Variants in GNAO1 observed in about 807,000 individuals in gnomAD.
GNAO1 encodes G protein subunit alpha o1.
For synonymous variants in GNAO1, 164 were observed against 180.7 expected, an observed-to-expected ratio of 0.91 and a Z score of 0.74; for missense variants, 166 against 478.7, an observed-to-expected ratio of 0.35 and a Z score of 6.10.
intron 2 of GNAO1, among the ~76,000 whole-genome samples, chr16:56,212,798 C>T (rs146180735): frequency 6.6e-6 from 1 of 152,292 alleles, no homozygotes; most frequent in African/African-American, 2.4e-5. Context: ...TTCCTGGCTC[C>T]TGGTAGGGTT....
chr16:56,215,219 T>A (rs1477812152), intron 2 of GNAO1, among the ~76,000 whole-genome samples: 2 of 152,218 alleles, frequency 1.3e-5, no homozygotes, highest in African/African-American at 4.8e-5. Flanking sequence ...GTCTCTCCAG[T>A]TCTGTAATTC....
chr16:56,343,360 G>A (rs1024051425), intron 6 of GNAO1, among the ~76,000 whole-genome samples: 4 of 148,330 alleles, frequency 2.7e-5, no homozygotes, highest in Non-Finnish European at 4.4e-5. Context: ...TAAGCCAGGT[G>A]TGGTTTCCAG....
chr16:56,273,074 A>G (rs1007367547), intron 2 of GNAO1, among the ~76,000 whole-genome samples: 4 of 152,224 alleles, frequency 2.6e-5, no homozygotes, highest in African/African-American at 9.6e-5. Flanking sequence ...ATTACACTTT[A>G]CTTTCAAATA....
intron 6 of GNAO1, among the ~76,000 whole-genome samples, chr16:56,348,956 ACT>A (rs1277447962): frequency 6.6e-6 from 1 of 150,928 alleles, no homozygotes; most frequent in Non-Finnish European, 1.5e-5. Flanking sequence ...CTCCAGCTGG[ACT>A]CTGAGCTCTC....
At chr16:56,344,185 C>T (rs546782368) in intron 6 of GNAO1, 45 of 1,419,996 alleles carry the variant, frequency 3.2e-5, no homozygotes, top group East Asian at 1.8e-4. Flanking sequence ...GGAGACTCCA[C>T]GCTCACAGCC....
rs535794951 is a variant in GNAO1 at position 56,316,606 on chromosome 16, C to A, written c.304-12025C>A. On this transcript the variant is annotated intron_variant, in intron 3 of 8. Transcript: ENST00000262493. ...TCACCTCTCTTTAATTCCCTCCTCA[C>A]CTCCCGAGAAGCCCCATGTCTCCCA... is the stretch of plus-strand genomic sequence containing the variant. Among the ~76,000 whole-genome samples, 7 of 152,286 alleles carry A rather than the reference C, an allele frequency of 4.6e-5. No homozygotes were observed. The East Asian group carries it at 1.4e-3, about 29-fold the overall frequency.
At chr16:56,335,807 A>C (rs1207237014) in intron 5 of GNAO1, among the ~76,000 whole-genome samples, 1 of 152,216 alleles carries the variant, frequency 6.6e-6, no homozygotes, top group East Asian at 1.9e-4. Flanking sequence ...TGGAGGGGCC[A>C]CAGAGGCCAT....
In GNAO1 at chr16:56,218,488, G is replaced by T. The variant is rs187630383; in HGVS notation, c.161+25872G>T. Among the ~76,000 whole-genome samples the T allele has an allele frequency of 4.5e-3, 687 of 152,238 alleles. 1 individual carries two copies. The highest frequency in any genetic ancestry group is 7.1e-3 in the Non-Finnish European group (480 of 68,014). ...GATAAAATGAGAGATGACGAGACCT[G>T]GTGAACTTGGGGCCCAACTATACCA... On this transcript the variant is annotated intron_variant, in intron 2 of 8. Coordinates refer to ENST00000262493, the MANE Select transcript of GNAO1 (RefSeq NM_020988.3).
chr16:56,195,189 C>T (rs1374372649), intron 2 of GNAO1, among the ~76,000 whole-genome samples: 1 of 149,486 alleles, frequency 6.7e-6, no homozygotes, highest in Non-Finnish European at 1.5e-5. Flanking sequence ...CACCAACTCT[C>T]TTTAGGAAGT....
intron 6 of GNAO1, among the ~76,000 whole-genome samples, chr16:56,338,152 G>A (rs1358770369): frequency 5.9e-5 from 9 of 152,156 alleles, no homozygotes; most frequent in East Asian, 3.9e-4. Context: ...AGGAGCCGCC[G>A]CCCTGAGGGG....
chr16:56,228,864 C>T (rs1026784575), intron 2 of GNAO1, among the ~76,000 whole-genome samples: 17 of 152,166 alleles, frequency 1.1e-4, no homozygotes, highest in Admixed American at 3.9e-4. Flanking sequence ...CTTAAAAGTG[C>T]GTAGTGCTAC....
chr16:56,215,199 A>G (rs551783223), intron 2 of GNAO1, among the ~76,000 whole-genome samples: 6 of 152,342 alleles, frequency 3.9e-5, no homozygotes, highest in African/African-American at 1.4e-4. Context: ...CTGGAAGCTG[A>G]ACCACACTGG....
At chr16:56,246,235 G>A (rs1222228626) in intron 2 of GNAO1, among the ~76,000 whole-genome samples, 1 of 152,204 alleles carries the variant, frequency 6.6e-6, no homozygotes, top group East Asian at 1.9e-4. Flanking sequence ...ACTGCTTAGG[G>A]CAGACATGCA....
At chr16:56,209,497 C>T (rs2036365244) in intron 2 of GNAO1, among the ~76,000 whole-genome samples, 1 of 152,210 alleles carries the variant, frequency 6.6e-6, no homozygotes, top group Non-Finnish European at 1.5e-5. Context: ...TGCACACACA[C>T]ACATCCCTAT....
rs1305412231 is a variant in GNAO1 at position 56,207,734 on chromosome 16, G to A, written c.161+15118G>A. 2.6e-5 allele frequency among the ~76,000 whole-genome samples: 4 copies of A among 152,182 alleles called. No individual in the cohort carries two copies. The East Asian group carries it at 5.8e-4, about 22-fold the overall frequency. ...CAGGTAATAAAGCAGAATGGTGAGG[G>A]AGCACCTACCTCGGTGTGGGGTCTG... is the stretch of plus-strand genomic sequence containing the variant. On this transcript the variant is annotated intron_variant, in intron 2 of 8. Coordinates refer to ENST00000262493, the MANE Select transcript of GNAO1 (RefSeq NM_020988.3).
At position 56,354,834 on chromosome 16, in the gene GNAO1, G is replaced by T. The variant is rs1377122998; in HGVS notation, c.878-32G>T. The T allele has an allele frequency of 6.8e-7, 1 of 1,460,464 alleles. No individual in the cohort carries two copies. Among genetic ancestry groups the T allele is most frequent in the South Asian group, 1.2e-5 (1 of 86,832 alleles). The allele number at this position is 1,460,464 out of a possible 1,614,324, so 90.5% of individuals were successfully genotyped here. A position where few individuals can be genotyped will look rare whatever the true frequency, so the allele number is the denominator to read the frequency against. On this transcript the variant is annotated intron_variant, in intron 7 of 8. Coordinates refer to ENST00000262493, the MANE Select transcript of GNAO1 (RefSeq NM_020988.3). This position sits in a 1 kb window ranked among gnomAD's most constrained non-coding sequence, Gnocchi z 4.3. ...CTGTCCACCCACAGCGCTCATCAGG[G>T]CCTCTCCCCGTTCTTCTGTGTCTTG...
At position 56,192,031 on chromosome 16, in the gene GNAO1, G is replaced by T; in HGVS notation, c.-205G>T. On this transcript the variant is annotated 5_prime_UTR_variant, in exon 1 of 9. Coordinates refer to ENST00000262493, the MANE Select transcript of GNAO1 (RefSeq NM_020988.3). ...CAACCCCAGACCCCTGCCAGCTGCC[G>T]CGAGTCTCCGCTGCTGGAATCTTGT... 1 of 584,072 alleles carries T rather than the reference G, an allele frequency of 1.7e-6. No individual in the cohort carries two copies. The highest frequency in any genetic ancestry group is 2.8e-5 in the East Asian group (1 of 35,260). 36.2% of individuals were successfully genotyped at this position (584,072 alleles called of 1,614,324 possible). A position where few individuals can be genotyped will look rare whatever the true frequency, so the allele number is the denominator to read the frequency against.
chr16:56,216,444 C>T (rs1394688539), intron 2 of GNAO1, among the ~76,000 whole-genome samples: 1 of 152,170 alleles, frequency 6.6e-6, no homozygotes, highest in Non-Finnish European at 1.5e-5. Flanking sequence ...AGGCATTGGC[C>T]ATCCATGAAC....
intron 3 of GNAO1, among the ~76,000 whole-genome samples, chr16:56,287,978 A>T (rs2037190215): frequency 6.6e-6 from 1 of 152,238 alleles, no homozygotes; most frequent in Admixed American, 6.5e-5. Flanking sequence ...TGGTGCACTC[A>T]GCATAGCATC....
Sources: gnomAD v4.1 joint callset for allele counts (sites outside exome capture counted in the v4.1 genomes callset) on GRCh38, gnomAD v4.1.1 for gene constraint, Gnocchi (gnomAD v3.1) non-coding constraint, MANE v1.5 for transcripts, NCBI Gene and HGNC (gene_info 2026-07-23, HGNC 2026-07-21) for gene names.